The following NALCN variants were observed in gnomAD, a reference collection of about 807,000 sequenced individuals.
NALCN encodes sodium leak channel NALCN.
NALCN carries 111 observed loss-of-function variants against 225.3 expected under a neutral mutation model. The observed-to-expected ratio is 0.49, with a 90% CI of 0.42 to 0.58. The LOEUF is 0.58. Ranked by LOEUF, NALCN falls within the 20% of genes least tolerant of loss-of-function variation. The pLI is 0.00. For synonymous variants in NALCN, 764 were observed against 769.0 expected (o/e 0.99, Z 0.11); for missense variants, 1,378 against 2,202.4 (o/e 0.63, Z 7.49).
intron 2 of NALCN, among the ~76,000 whole-genome samples, chr13:101,398,236 T>G (rs2047371336): frequency 6.6e-6 from 1 of 152,074 alleles, no homozygotes; most frequent in South Asian, 2.1e-4. Context: ...GCAGGGAAAG[T>G]AACCTGGAGG....
chr13:101,221,490 C>CA (rs1192602956), intron 13 of NALCN, among the ~76,000 whole-genome samples: 2 of 152,146 alleles, frequency 1.3e-5, no homozygotes, highest in Non-Finnish European at 2.9e-5. Flanking sequence ...CCAACCCTGA[C>CA]ACAGGCTACT....
At chr13:101,397,226 T>C (rs2047335836) in intron 2 of NALCN, among the ~76,000 whole-genome samples, 1 of 149,506 alleles carries the variant, frequency 6.7e-6, no homozygotes, top group South Asian at 2.1e-4. Context: ...GGAAGGCAGA[T>C]TAGAGAAAGA....
chr13:101,272,243 G>A (rs1363140320), intron 10 of NALCN, among the ~76,000 whole-genome samples: 1 of 151,856 alleles, frequency 6.6e-6, no homozygotes, highest in Non-Finnish European at 1.5e-5. Context: ...GTATGAGTGT[G>A]TATGTGTGTG....
chr13:101,325,880 A>T (rs1482232904), intron 7 of NALCN, among the ~76,000 whole-genome samples: 2 of 152,202 alleles, frequency 1.3e-5, no homozygotes, highest in African/African-American at 4.8e-5. Context: ...AAATTAGCAC[A>T]AGGTATTCCC....
At chr13:101,265,005 C>A (rs190855164) in intron 10 of NALCN, among the ~76,000 whole-genome samples, 5 of 152,184 alleles carry the variant, frequency 3.3e-5, no homozygotes, top group African/African-American at 4.8e-5. Context: ...TCTCCAGAGT[C>A]TCCCAAAGCA....
intron 13 of NALCN, among the ~76,000 whole-genome samples, chr13:101,218,482 C>T (rs2040821806): frequency 6.6e-6 from 1 of 152,110 alleles, no homozygotes. Context: ...TTGTAGATGC[C>T]ATTCCAGTCC....
intron 3 of NALCN, among the ~76,000 whole-genome samples, chr13:101,392,202 G>A (rs1175019126): frequency 6.6e-6 from 1 of 151,820 alleles, no homozygotes; most frequent in African/African-American, 2.4e-5. Context: ...ATACATGCCC[G>A]CCACCCACAC....
intron 7 of NALCN, among the ~76,000 whole-genome samples, chr13:101,325,475 A>G (rs1176801881): frequency 6.6e-6 from 1 of 152,234 alleles, no homozygotes; most frequent in Non-Finnish European, 1.5e-5. Flanking sequence ...TACACAAAAC[A>G]GCCAGCTGCT....
intron 14 of NALCN, among the ~76,000 whole-genome samples, chr13:101,182,824 G>A (rs757040032): frequency 1.3e-5 from 2 of 151,856 alleles, no homozygotes; most frequent in Non-Finnish European, 2.9e-5. Flanking sequence ...GCCAGGAGGT[G>A]AGAATGACTT....
intron 34 of NALCN, among the ~76,000 whole-genome samples, chr13:101,077,005 T>C (rs867291722): frequency 1.8e-4 from 28 of 152,136 alleles, no homozygotes; most frequent in Middle Eastern, 3.4e-3. Context: ...ATCACTGGGG[T>C]GGTTTCCCTC....
intron 17 of NALCN, among the ~76,000 whole-genome samples, chr13:101,132,667 G>C (rs1197441561): frequency 6.6e-6 from 1 of 152,114 alleles, no homozygotes; most frequent in South Asian, 2.1e-4. Flanking sequence ...TAAAAATTAA[G>C]TTGTCTAAGT....
chr13:101,296,331 T>C (rs568974431), intron 7 of NALCN, among the ~76,000 whole-genome samples: 1 of 152,346 alleles, frequency 6.6e-6, no homozygotes, highest in Admixed American at 6.5e-5. Context: ...AAATATTTGC[T>C]TTTTGATTAA....
intron 6 of NALCN, among the ~76,000 whole-genome samples, chr13:101,369,641 C>T (rs571289606): frequency 6.6e-6 from 1 of 152,140 alleles, no homozygotes; most frequent in Non-Finnish European, 1.5e-5. Context: ...AGCCTCTGTA[C>T]CCACTGCAGT....
chr13:101,257,762 A>G (rs1313620983), intron 11 of NALCN, among the ~76,000 whole-genome samples: 2 of 152,222 alleles, frequency 1.3e-5, no homozygotes, highest in East Asian at 3.8e-4. Context: ...AAGTTTTTAC[A>G]TTAAAAAAAC....
At chr13:101,109,976 T>C (rs765820124) in intron 20 of NALCN, among the ~76,000 whole-genome samples, 1 of 152,206 alleles carries the variant, frequency 6.6e-6, no homozygotes, top group African/African-American at 2.4e-5. Context: ...TTCCATTATA[T>C]TTTTATGAAC....
intron 6 of NALCN, among the ~76,000 whole-genome samples, chr13:101,353,160 T>C (rs1436739598): frequency 6.6e-6 from 1 of 152,184 alleles, no homozygotes; most frequent in Non-Finnish European, 1.5e-5. Context: ...CAATCATACA[T>C]AGACACAGAC....
rs2139645522 is a variant in NALCN, at chr13:101,110,662, T to C, written c.2321A>G (p.Gln774Arg). The C allele has an allele frequency of 6.2e-7, 1 of 1,614,126 alleles. No homozygotes were observed. The highest frequency in any genetic ancestry group is 8.5e-7 in the Non-Finnish European group (1 of 1,179,964). The change falls in exon 20 of 44, where the codon CAG becomes CGG. Residue 774 changes from glutamine (Q) to arginine (R), a missense_variant. Physicochemically the swap from Gln to Arg is conservative, Grantham distance 43. This residue lies in a region of NALCN where 66 missense variants were observed against 85.7 expected (regional missense o/e 0.77). Coordinates refer to ENST00000251127, the MANE Select transcript of NALCN (RefSeq NM_052867.4). ...AAGAGATTTTCCCCTGCTGATCCTC[T>C]GGCTGTTTGATCCATGTCTTAGTGA... ...RRSLRHGSNS[Q>R]RISRGKSLET...
intron 28 of NALCN, 135 bp from the exon 29 acceptor site, chr13:101,090,101 C>T (rs770971499): frequency 7.9e-6 from 10 of 1,269,302 alleles, no homozygotes; most frequent in Non-Finnish European, 9.8e-6. Flanking sequence ...TATACACACA[C>T]ACGTGTGCGT....
intron 6 of NALCN, among the ~76,000 whole-genome samples, chr13:101,362,057 T>C (rs941787616): frequency 6.6e-6 from 1 of 151,936 alleles, no homozygotes; most frequent in African/African-American, 2.4e-5. Context: ...CCTCAGGTGG[T>C]TCACATCTTG....
Sources: allele counts gnomAD v4.1 joint callset (sites outside exome capture counted in the v4.1 genomes callset), GRCh38; gene constraint gnomAD v4.1.1; regional missense constraint gnomAD v4.1.1; transcripts MANE v1.5; gene names NCBI Gene and HGNC (gene_info 2026-07-23, HGNC 2026-07-21).